The following MGAT3 variants were observed in gnomAD, a reference collection of about 807,000 sequenced individuals.
The protein encoded by MGAT3 is beta-1,4-mannosyl-glycoprotein 4-beta-N-acetylglucosaminyltransferase, also known as GlcNAc-T III.
MGAT3 carries 9 observed loss-of-function variants against 29.8 expected under a neutral mutation model. The observed-to-expected ratio is 0.30, with a 90% CI of 0.18 to 0.53. The LOEUF is 0.53. Among genes scored for constraint, MGAT3 ranks in the 20% least tolerant of loss-of-function variants. MGAT3 has a pLI of 0.96. For synonymous variants in MGAT3, 397 were observed against 348.9 expected (o/e 1.14, Z -1.54); for missense variants, 557 against 769.5 (o/e 0.72, Z 3.27).
Position 39,489,187 on chromosome 22 carries a change from T to A in MGAT3, c.*238T>A. 1.6e-6 allele frequency: 1 copy of A among 629,812 alleles called. No homozygotes were observed. The highest frequency in any genetic ancestry group is 2.8e-6 in the Non-Finnish European group (1 of 358,302). 39.0% of individuals were successfully genotyped at this position (629,812 alleles called of 1,614,324 possible). On this transcript the variant is annotated 3_prime_UTR_variant, in exon 2 of 2. Coordinates refer to ENST00000341184, the MANE Select transcript of MGAT3 (RefSeq NM_002409.5). ...GGCCGTGACGTCTGGGTGGCCCTTATGACTGCCAAGACTGCTGTGGCCAGG... is the reference window on the plus strand; with the variant it reads ...GGCCGTGACGTCTGGGTGGCCCTTAAGACTGCCAAGACTGCTGTGGCCAGG...
chr22:39,477,897 C>G (rs989056852), intron 1 of MGAT3, among the ~76,000 whole-genome samples: 1 of 152,212 alleles, frequency 6.6e-6, no homozygotes, highest in Non-Finnish European at 1.5e-5. Context: ...GAGACAGAAA[C>G]GGTTATACCT....
At chr22:39,475,128 C>CATTTTTTTTTTTTTTT (rs1928916687) in intron 1 of MGAT3, among the ~76,000 whole-genome samples, 2 of 118,800 alleles carry the variant, frequency 1.7e-5, no homozygotes, top group African/African-American at 7.4e-5. Context: ...GCTTGCCAGG[C>CATTTTTTTTTTTTTTT]TTTTTTTTTT....
At chr22:39,462,408 TGAAA>T (rs1928524574) in intron 1 of MGAT3, among the ~76,000 whole-genome samples, 1 of 152,190 alleles carries the variant, frequency 6.6e-6, no homozygotes, top group Admixed American at 6.5e-5. Flanking sequence ...GATGAATGAA[TGAAA>T]GAATGAATGA....
At chr22:39,464,105 C>T (rs570726843) in intron 1 of MGAT3, among the ~76,000 whole-genome samples, 9 of 152,014 alleles carry the variant, frequency 5.9e-5, no homozygotes, top group African/African-American at 1.7e-4. Flanking sequence ...CTTCATACAC[C>T]GCGCTCACCC....
At position 39,489,013 on chromosome 22, in the gene MGAT3, C is replaced by T; in HGVS notation, c.*64C>T. 1.3e-6 allele frequency: 2 copies of T among 1,491,566 alleles called. No homozygotes were observed. The highest frequency in any genetic ancestry group is 1.8e-6 in the Non-Finnish European group (2 of 1,121,304). 92.4% of individuals were successfully genotyped at this position (1,491,566 alleles called of 1,614,324 possible). A position where few individuals can be genotyped will look rare whatever the true frequency, so the allele number is the denominator to read the frequency against. ...TGGCGGCGGCCCCTAGCGCTATCTCCCTGCCTCCTGCCGGCTCCTTGGTTC... is the reference window on the plus strand; with the variant it reads ...TGGCGGCGGCCCCTAGCGCTATCTCTCTGCCTCCTGCCGGCTCCTTGGTTC... On this transcript the variant is annotated 3_prime_UTR_variant, in exon 2 of 2. Transcript: ENST00000341184.
chr22:39,489,107 T>A lies in MGAT3; in HGVS notation c.*158T>A, dbSNP rs1929380482. 2.0e-6 allele frequency: 2 copies of A among 1,004,410 alleles called. No individual in the cohort carries two copies. Among genetic ancestry groups the A allele is most frequent in the South Asian group, 3.4e-5 (2 of 58,178 alleles). 62.2% of individuals were successfully genotyped at this position (1,004,410 alleles called of 1,614,324 possible). A position where few individuals can be genotyped will look rare whatever the true frequency, so the allele number is the denominator to read the frequency against. On this transcript the variant is annotated 3_prime_UTR_variant, in exon 2 of 2. Coordinates refer to ENST00000341184, the MANE Select transcript of MGAT3 (RefSeq NM_002409.5). ...GTTTCCCTACTGAAGCCCTTGTGAA[T>A]CAAGGGTCAGGCCTTTGAGCTCAGA...
At chr22:39,458,358 GA>G (rs1250144342) in intron 1 of MGAT3, among the ~76,000 whole-genome samples, 2 of 152,140 alleles carry the variant, frequency 1.3e-5, no homozygotes, top group African/African-American at 4.8e-5. Context: ...AGATGCCCCT[GA>G]AGGCCCCTGA....
At chr22:39,480,250 G>A (rs185164829) in intron 1 of MGAT3, among the ~76,000 whole-genome samples, 9 of 152,334 alleles carry the variant, frequency 5.9e-5, no homozygotes, top group African/African-American at 1.9e-4. Flanking sequence ...TATGGCATTT[G>A]TGCTAACAGA....
chr22:39,462,790 C>G (rs994938891), intron 1 of MGAT3, among the ~76,000 whole-genome samples: 24 of 152,220 alleles, frequency 1.6e-4, no homozygotes, highest in Admixed American at 8.5e-4. Flanking sequence ...TTCATCTTTT[C>G]TATAAAAATA....
At chr22:39,479,315 C>T (rs1476194042) in intron 1 of MGAT3, among the ~76,000 whole-genome samples, 1 of 152,202 alleles carries the variant, frequency 6.6e-6, no homozygotes, top group Admixed American at 6.5e-5. Context: ...CTCCAGCCTG[C>T]CTGGGTAACA....
intron 1 of MGAT3, among the ~76,000 whole-genome samples, chr22:39,468,943 C>T (rs560426714): frequency 2.6e-5 from 4 of 151,938 alleles, no homozygotes; most frequent in African/African-American, 9.7e-5. Context: ...TGGACTTTCT[C>T]CTGAGGGCAG....
chr22:39,474,122 C>T (rs1928886524), intron 1 of MGAT3, among the ~76,000 whole-genome samples: 1 of 152,138 alleles, frequency 6.6e-6, no homozygotes, highest in South Asian at 2.1e-4. Flanking sequence ...TACCCTTGGC[C>T]TTGCAGGGAA....
intron 1 of MGAT3, among the ~76,000 whole-genome samples, chr22:39,471,675 G>C (rs1047892805): frequency 6.6e-6 from 1 of 152,128 alleles, no homozygotes; most frequent in Non-Finnish European, 1.5e-5. Flanking sequence ...CAGGGCATCG[G>C]TTCTATTCTT....
chr22:39,462,455 G>A (rs527899093), intron 1 of MGAT3, among the ~76,000 whole-genome samples: 2 of 152,368 alleles, frequency 1.3e-5, no homozygotes, highest in East Asian at 1.9e-4. Context: ...GCCCAGGTGA[G>A]CAGCCTTGCT....
chr22:39,462,883 C>G (rs911605077), intron 1 of MGAT3, among the ~76,000 whole-genome samples: 1 of 152,154 alleles, frequency 6.6e-6, no homozygotes, highest in Non-Finnish European at 1.5e-5. Flanking sequence ...TGGTTCTTAC[C>G]GAAGTGGGAA....
chr22:39,481,093 C>G (rs1214376517), intron 1 of MGAT3, among the ~76,000 whole-genome samples: 1 of 152,256 alleles, frequency 6.6e-6, no homozygotes, highest in Admixed American at 6.5e-5. Flanking sequence ...AACCATGCCT[C>G]CAGGCCCTGT....
chr22:39,463,130 GTCA>G (rs1928543129), intron 1 of MGAT3, among the ~76,000 whole-genome samples: 1 of 152,214 alleles, frequency 6.6e-6, no homozygotes, highest in African/African-American at 2.4e-5. Flanking sequence ...TGGCCTCCGG[GTCA>G]TCATAATTTG....
chr22:39,475,002 C>T (rs1928912810), intron 1 of MGAT3, among the ~76,000 whole-genome samples: 3 of 152,142 alleles, frequency 2.0e-5, no homozygotes, highest in African/African-American at 4.8e-5. Flanking sequence ...GCGCCCCTGC[C>T]TTCCTGGAGT....
At chr22:39,458,548 G>A (rs1479563524) in intron 1 of MGAT3, among the ~76,000 whole-genome samples, 1 of 152,136 alleles carries the variant, frequency 6.6e-6, no homozygotes, top group Non-Finnish European at 1.5e-5. Flanking sequence ...GGATGGAGGG[G>A]AGAGCCCCCA....
Sources: gnomAD v4.1 joint callset for allele counts (sites outside exome capture counted in the v4.1 genomes callset) on GRCh38, gnomAD v4.1.1 for gene constraint, MANE v1.5 for transcripts, NCBI Gene and HGNC (gene_info 2026-07-23, HGNC 2026-07-21) for gene names.